The following FAM227B variants were observed in gnomAD, a reference collection of about 807,000 sequenced individuals.
FAM227B encodes protein FAM227B.
Under a neutral mutation model 73.8 loss-of-function variants are expected in FAM227B, and 88 were observed. The ratio of observed to expected loss-of-function variants is 1.19; its 90% CI spans 1.00 to 1.42. The LOEUF (loss-of-function observed/expected upper bound fraction) is 1.42. Among genes scored for constraint, FAM227B ranks in the 40% most tolerant of loss-of-function variants. FAM227B has a pLI of 0.00. For synonymous variants in FAM227B, 210 were observed against 190.5 expected (o/e 1.10, Z -0.84); for missense variants, 632 against 590.9 (o/e 1.07, Z -0.72).
intron 11 of FAM227B, among the ~76,000 whole-genome samples, chr15:49,408,862 A>T (rs955980359): frequency 6.6e-6 from 1 of 152,138 alleles, no homozygotes; most frequent in African/African-American, 2.4e-5. Context: ...GGGTGGGGTT[A>T]TATCACCATG....
chr15:49,491,234 A>G (rs957615269), intron 11 of FAM227B, among the ~76,000 whole-genome samples: 2 of 151,722 alleles, frequency 1.3e-5, no homozygotes, highest in East Asian at 3.9e-4. Flanking sequence ...TAGCTCCTTA[A>G]TCTTTCTTGT....
chr15:49,549,709 A>AT (rs1379388225), intron 9 of FAM227B, among the ~76,000 whole-genome samples: 1 of 152,010 alleles, frequency 6.6e-6, no homozygotes, highest in East Asian at 1.9e-4. Context: ...AAAGTCTCCC[A>AT]TGTCTACCTC....
chr15:49,396,601 G>A (rs1488792869), intron 11 of FAM227B, among the ~76,000 whole-genome samples: 1 of 152,126 alleles, frequency 6.6e-6, no homozygotes, highest in Non-Finnish European at 1.5e-5. Flanking sequence ...GTCCCTGTCT[G>A]ACAGCTTTGA....
chr15:49,491,687 T>C lies in FAM227B; in HGVS notation c.1012+16524A>G, dbSNP rs573663874. Among the ~76,000 whole-genome samples, 10 of 151,072 alleles carry C rather than the reference T, an allele frequency of 6.6e-5. No homozygotes were observed. The South Asian group carries it at 1.9e-3, about 28-fold the overall frequency. The stretch of plus-strand genomic sequence containing the variant: ...TTCTCTGAATCCTATTGCACTCTAA[T>C]ATAGTAATTGATTGCACACACACAC... On this transcript the variant is annotated intron_variant, in intron 11 of 15. Transcript: ENST00000299338.
chr15:49,458,317 T>C (rs916810053), intron 11 of FAM227B, among the ~76,000 whole-genome samples: 9 of 152,068 alleles, frequency 5.9e-5, no homozygotes, highest in African/African-American at 1.7e-4. Flanking sequence ...ATTTAAATAG[T>C]CATAATCCAC....
In FAM227B at chr15:49,337,279, C is replaced by T. The variant is rs556878077; in HGVS notation, c.1272-1783G>A. Among the ~76,000 whole-genome samples, 142 of 152,322 alleles carry T rather than the reference C, an allele frequency of 9.3e-4. 5 individuals carry two copies. The South Asian group carries it at 0.028, about 30-fold the overall frequency. On this transcript the variant is annotated intron_variant, in intron 13 of 15. Coordinates refer to ENST00000299338, the MANE Select transcript of FAM227B (RefSeq NM_152647.3). ...TTTGAGAAATCTCAACTACTTTTGA[C>T]AGTGGCTGAACTAATTTACGTTCCC...
intron 12 of FAM227B, 23 bp from the exon 13 acceptor site, chr15:49,367,631 A>G: frequency 6.5e-7 from 1 of 1,528,686 alleles, no homozygotes; most frequent in Non-Finnish European, 8.7e-7. Context: ...GAAAATAATC[A>G]AGACAACGAT....
intron 3 of FAM227B, among the ~76,000 whole-genome samples, chr15:49,604,907 T>C (rs1278975795): frequency 6.6e-6 from 1 of 152,092 alleles, no homozygotes; most frequent in Non-Finnish European, 1.5e-5. Context: ...TTTTTCATGA[T>C]TTTTTATCTC....
rs1261781486 is a variant in FAM227B, at chr15:49,617,491, TTAAAG to T, written c.-72-2253_-72-2249del. ...TCTTCTAGAAACTAGAACAAAAATG[TTAAAG>T]TAAACAAGAATCAGAGGATAAAAAA... On this transcript the variant is annotated intron_variant, in intron 1 of 15. Coordinates refer to ENST00000299338, the MANE Select transcript of FAM227B (RefSeq NM_152647.3). Among the ~76,000 whole-genome samples the T allele has an allele frequency of 5.3e-5, 8 of 152,196 alleles. 1 individual carries two copies. The highest frequency in any genetic ancestry group is 2.0e-4 in the Admixed American group (3 of 15,284).
At chr15:49,494,714 A>G (rs549613988) in intron 11 of FAM227B, among the ~76,000 whole-genome samples, 1 of 152,158 alleles carries the variant, frequency 6.6e-6, no homozygotes, top group Admixed American at 6.5e-5. Flanking sequence ...TCACTAGCCC[A>G]TAAGTTCCAT....
chr15:49,442,294 C>A (rs1369751739), intron 11 of FAM227B, among the ~76,000 whole-genome samples: 1 of 151,520 alleles, frequency 6.6e-6, no homozygotes, highest in Non-Finnish European at 1.5e-5. Context: ...TAGAATTTTT[C>A]TTCTCAGTAT....
At chr15:49,383,326 T>C (rs1198979262) in intron 11 of FAM227B, among the ~76,000 whole-genome samples, 2 of 151,932 alleles carry the variant, frequency 1.3e-5, no homozygotes, top group Non-Finnish European at 2.9e-5. Context: ...AAGTCTGTTG[T>C]TGCCATTTTT....
intron 14 of FAM227B, among the ~76,000 whole-genome samples, chr15:49,333,059 A>C (rs2039078612): frequency 6.6e-6 from 1 of 152,162 alleles, no homozygotes; most frequent in Admixed American, 6.5e-5. Flanking sequence ...TGAACTGCAC[A>C]GTATCCTTAG....
intron 11 of FAM227B, among the ~76,000 whole-genome samples, chr15:49,379,265 C>CT (rs952583325): frequency 1.8e-4 from 28 of 152,110 alleles, no homozygotes; most frequent in African/African-American, 6.7e-4. Flanking sequence ...CTGTAGTTTT[C>CT]TTTTTTTGAT....
chr15:49,588,860 T>C (rs1461330239), intron 4 of FAM227B, among the ~76,000 whole-genome samples: 1 of 151,472 alleles, frequency 6.6e-6, no homozygotes, highest in East Asian at 1.9e-4. Context: ...AAAGTTAATT[T>C]AATAGAAGTG....
intron 5 of FAM227B, among the ~76,000 whole-genome samples, chr15:49,581,784 T>C (rs2075828214): frequency 6.6e-6 from 1 of 152,186 alleles, no homozygotes; most frequent in African/African-American, 2.4e-5. Context: ...GAGTGCTAAA[T>C]ACGGAAATCA....
chr15:49,366,211 C>T, intron 13 of FAM227B: 1 of 793,038 alleles, frequency 1.3e-6, no homozygotes, highest in Non-Finnish European at 2.3e-6. Flanking sequence ...AACACATTTT[C>T]ACAGTAATGT....
Position 49,594,806 on chromosome 15 carries a change from A to G in FAM227B, c.106-4799T>C, listed in dbSNP as rs577291716. ...ATATGCCTGTTTTTATACCAGTACC[A>G]TGCTGTTTTGGTGACTACAGCCTTA... On this transcript the variant is annotated intron_variant, in intron 3 of 15. Coordinates refer to ENST00000299338, the MANE Select transcript of FAM227B (RefSeq NM_152647.3). 2.0e-5 allele frequency among the ~76,000 whole-genome samples: 3 copies of G among 152,294 alleles called. No homozygotes were observed. In the East Asian group the frequency reaches 5.8e-4, roughly 29 times the overall value.
At position 49,365,733 on chromosome 15, in the gene FAM227B, T is replaced by C. The variant is rs902368568; in HGVS notation, c.1271+1715A>G. 12 of 885,252 alleles carry C rather than the reference T, an allele frequency of 1.4e-5. No individual in the cohort carries two copies. The East Asian group carries it at 2.9e-4, about 21-fold the overall frequency. The allele number at this position is 885,252 out of a possible 1,614,324, so 54.8% of individuals were successfully genotyped here. ...GACAGAAAGCAATCTCCAAGATATC[T>C]TGTAAAATCCAAGCCCACCTGTCTT... is the stretch of plus-strand genomic sequence containing the variant. On this transcript the variant is annotated intron_variant, in intron 13 of 15. Transcript: ENST00000299338.
Sources: allele counts gnomAD v4.1 joint callset (sites outside exome capture counted in the v4.1 genomes callset), GRCh38; gene constraint gnomAD v4.1.1; transcripts MANE v1.5; gene names NCBI Gene and HGNC (gene_info 2026-07-23, HGNC 2026-07-21).